The following PKNOX2 variants were observed in gnomAD, a reference collection of about 807,000 sequenced individuals.
The protein encoded by PKNOX2 is homeobox protein PKNOX2.
A neutral mutation model predicts 53.1 loss-of-function variants in PKNOX2; 14 were observed. That is an observed-to-expected ratio of 0.26 (90% CI 0.17 to 0.41). The LOEUF (loss-of-function observed/expected upper bound fraction) is 0.41, where lower values mean the gene tolerates loss of function less well. PKNOX2 is among the 10% of genes least tolerant of loss of function. The pLI is 1.00. For synonymous variants in PKNOX2, 257 were observed against 242.8 expected, an observed-to-expected ratio of 1.06 and a Z score of -0.54; for missense variants, 496 against 602.8, an observed-to-expected ratio of 0.82 and a Z score of 1.85.
chr11:125,279,510 A>T (rs1946408334), intron 2 of PKNOX2, among the ~76,000 whole-genome samples: 1 of 152,218 alleles, frequency 6.6e-6, no homozygotes, highest in Non-Finnish European at 1.5e-5. Flanking sequence ...GTGAACTCCC[A>T]GTCTGAAGCT....
At chr11:125,215,264 G>A (rs1940361736) in intron 1 of PKNOX2, among the ~76,000 whole-genome samples, 1 of 152,058 alleles carries the variant, frequency 6.6e-6, no homozygotes, top group Admixed American at 6.5e-5. Context: ...GGCTAGAATG[G>A]CTGAAAGAAA....
chr11:125,418,659 C>T (rs759054402), intron 10 of PKNOX2, among the ~76,000 whole-genome samples: 10 of 151,944 alleles, frequency 6.6e-5, no homozygotes, highest in East Asian at 1.9e-4. Flanking sequence ...TTGCATGCCT[C>T]GCTACCTCCC....
intron 2 of PKNOX2, among the ~76,000 whole-genome samples, chr11:125,303,323 CGGGG>C (rs939756817): frequency 2.0e-5 from 3 of 152,190 alleles, no homozygotes; most frequent in Non-Finnish European, 4.4e-5. Flanking sequence ...GATGAGCAAA[CGGGG>C]GTACAGGCTG....
intron 2 of PKNOX2, among the ~76,000 whole-genome samples, chr11:125,324,218 C>A (rs1949701352): frequency 6.6e-6 from 1 of 152,192 alleles, no homozygotes; most frequent in Non-Finnish European, 1.5e-5. Context: ...TTTCCCTTCA[C>A]CCCTTAACCA....
chr11:125,426,807 T>TG (rs1199402337), intron 10 of PKNOX2, among the ~76,000 whole-genome samples: 1 of 152,178 alleles, frequency 6.6e-6, no homozygotes, highest in Non-Finnish European at 1.5e-5. Flanking sequence ...CATGGCCTAG[T>TG]GGGGGACACA....
chr11:125,427,418 G>A (rs938031145), intron 10 of PKNOX2, among the ~76,000 whole-genome samples: 44 of 152,190 alleles, frequency 2.9e-4, no homozygotes, highest in African/African-American at 1.0e-3. Context: ...TGCTGAGGTA[G>A]GGGAGAGGCT....
At position 125,341,281 on chromosome 11, in the gene PKNOX2, G is replaced by A. The variant is rs111573231; in HGVS notation, c.-23+9356G>A. Among the ~76,000 whole-genome samples the A allele has an allele frequency of 7.5e-3, 1,140 of 151,624 alleles. 16 individuals are homozygous for A. The highest frequency in any genetic ancestry group is 0.026 in the African/African-American group (1,059 of 41,270). Reference sequence around the variant, plus strand: ...TGGGGCAGGAGAATCGCTTGAACCCGGGAGGCAGAGGTTGCAGTAAGCCGA... The same window carrying A: ...TGGGGCAGGAGAATCGCTTGAACCCAGGAGGCAGAGGTTGCAGTAAGCCGA... On this transcript the variant is annotated intron_variant, in intron 3 of 12. Coordinates refer to ENST00000298282, the MANE Select transcript of PKNOX2 (RefSeq NM_001382323.2).
chr11:125,207,804 C>T (rs1321624331), intron 1 of PKNOX2, among the ~76,000 whole-genome samples: 1 of 151,956 alleles, frequency 6.6e-6, no homozygotes, highest in African/African-American at 2.4e-5. Flanking sequence ...CTGGCTGTGC[C>T]AAATGACTCT....
intron 2 of PKNOX2, among the ~76,000 whole-genome samples, chr11:125,269,258 C>T (rs907793123): frequency 6.6e-6 from 1 of 152,100 alleles, no homozygotes; most frequent in African/African-American, 2.4e-5. Context: ...CCTCTCTCCA[C>T]CTCCCCCTAG....
At chr11:125,353,297 G>A (rs887994437) in intron 4 of PKNOX2, among the ~76,000 whole-genome samples, 2 of 152,162 alleles carry the variant, frequency 1.3e-5, no homozygotes, top group African/African-American at 2.4e-5. Context: ...ATGACTGATG[G>A]TGGCCCCTTC....
chr11:125,427,565 T>G (rs1389891497), intron 10 of PKNOX2, among the ~76,000 whole-genome samples: 1 of 152,198 alleles, frequency 6.6e-6, no homozygotes, highest in Non-Finnish European at 1.5e-5. Flanking sequence ...ATTTTACAAG[T>G]ATAATTTCAT....
At chr11:125,254,789 T>C (rs1180715737) in intron 2 of PKNOX2, among the ~76,000 whole-genome samples, 1 of 151,858 alleles carries the variant, frequency 6.6e-6, no homozygotes, top group African/African-American at 2.4e-5. Flanking sequence ...TTCTGTAACA[T>C]TGATGACGGT....
rs57527623 is a variant in PKNOX2, at chr11:125,369,649, C to G, written c.227+1664C>G. 9.2e-3 allele frequency among the ~76,000 whole-genome samples: 1,401 copies of G among 152,280 alleles called. 27 individuals are homozygous for G. Among genetic ancestry groups the G allele is most frequent in the African/African-American group, 0.032 (1,324 of 41,550 alleles). ...GAGTTTGGTCCTAAAGGTTGAGTAA[C>G]AGACCCCACTAGGTGGAGAAATGGG... is the stretch of plus-strand genomic sequence containing the variant. On this transcript the variant is annotated intron_variant, in intron 5 of 12. Transcript: ENST00000298282.
intron 10 of PKNOX2, among the ~76,000 whole-genome samples, chr11:125,424,315 G>T (rs1029975910): frequency 2.6e-5 from 4 of 152,096 alleles, no homozygotes; most frequent in Admixed American, 6.5e-5. Context: ...GAAGTTTCTC[G>T]GGTGACTTAT....
At chr11:125,270,270 A>G (rs1382889672) in intron 2 of PKNOX2, among the ~76,000 whole-genome samples, 3 of 152,202 alleles carry the variant, frequency 2.0e-5, no homozygotes, top group African/African-American at 7.2e-5. Flanking sequence ...AATGACTGGC[A>G]TCGGCATTCC....
intron 11 of PKNOX2, 49 bp from the exon 12 acceptor site, chr11:125,429,914 A>G (rs1956615414): frequency 6.4e-7 from 1 of 1,571,170 alleles, no homozygotes; most frequent in Non-Finnish European, 8.7e-7. Flanking sequence ...CCCCACCCCA[A>G]GGCCATGCAG....
intron 2 of PKNOX2, among the ~76,000 whole-genome samples, chr11:125,241,221 A>C (rs944704965): frequency 4.6e-5 from 7 of 151,980 alleles, no homozygotes; most frequent in African/African-American, 1.7e-4. Context: ...ACACAGGCAC[A>C]CTCCTATAGC....
intron 2 of PKNOX2, among the ~76,000 whole-genome samples, chr11:125,244,415 C>A (rs914419376): frequency 6.6e-6 from 1 of 152,204 alleles, no homozygotes; most frequent in Non-Finnish European, 1.5e-5. Flanking sequence ...TTATCCCCAA[C>A]CCTTCCAGAT....
rs146236293 is a variant in PKNOX2, at chr11:125,245,655, G to A, written c.-130+10540G>A. Reference sequence around the variant, plus strand: ...CTGGGACTTCTGGGGACCTATGATGGGTAAGCTCAGGCTGCTGCTGACTCA... The same window carrying A: ...CTGGGACTTCTGGGGACCTATGATGAGTAAGCTCAGGCTGCTGCTGACTCA... On this transcript the variant is annotated intron_variant, in intron 2 of 12. Transcript: ENST00000298282. Among the ~76,000 whole-genome samples, 1,072 of 152,328 alleles carry A rather than the reference G, an allele frequency of 7.0e-3. 3 individuals carry two copies. The highest frequency in any genetic ancestry group is 0.012 in the Non-Finnish European group (850 of 68,018).
Sources: allele counts gnomAD v4.1 joint callset (sites outside exome capture counted in the v4.1 genomes callset), GRCh38; gene constraint gnomAD v4.1.1; transcripts MANE v1.5; gene names NCBI Gene and HGNC (gene_info 2026-07-23, HGNC 2026-07-21).